SMPD3: variants seen among roughly 807,000 people sequenced by gnomAD.
SMPD3 encodes nSMase-2.
A neutral mutation model predicts 55.7 loss-of-function variants in SMPD3; 21 were observed. That is an observed-to-expected ratio of 0.38 (90% CI 0.27 to 0.54). The LOEUF is 0.54. Among genes scored for constraint, SMPD3 ranks in the 20% least tolerant of loss-of-function variants. The pLI, the probability that SMPD3 is intolerant of heterozygous loss-of-function variation, is 0.80. For missense variants in SMPD3, 842 were observed against 899.6 expected (o/e 0.94, Z 0.82); for synonymous variants, 457 against 404.3 (o/e 1.13, Z -1.56).
intron 1 of SMPD3, among the ~76,000 whole-genome samples, chr16:68,415,176 G>C (rs1199367903): frequency 1.3e-5 from 2 of 152,192 alleles, no homozygotes; most frequent in Admixed American, 1.3e-4. Flanking sequence ...GTAACGCCCA[G>C]AGAGTGGATA....
intron 1 of SMPD3, among the ~76,000 whole-genome samples, chr16:68,401,157 G>T (rs992537221): frequency 6.6e-6 from 1 of 152,178 alleles, no homozygotes; most frequent in Non-Finnish European, 1.5e-5. Context: ...GCTCCGATTT[G>T]TCATGCTCCA....
rs1206123321 is a variant in SMPD3 at position 68,409,161 on chromosome 16, T to C, written c.-268-22502A>G. On this transcript the variant is annotated intron_variant, in intron 1 of 8. Coordinates refer to ENST00000219334, the MANE Select transcript of SMPD3 (RefSeq NM_018667.4). ...CACTGCATTTTCCCAGCTTTTGTAC[T>C]CAGTTACTCCGAGCTCATTCCTTTG... 2.0e-5 allele frequency among the ~76,000 whole-genome samples: 3 copies of C among 152,238 alleles called. No homozygotes were observed. In the East Asian group the frequency reaches 5.8e-4, roughly 29 times the overall value.
intron 1 of SMPD3, among the ~76,000 whole-genome samples, chr16:68,402,551 T>C (rs2090219221): frequency 6.6e-6 from 1 of 152,138 alleles, no homozygotes; most frequent in Admixed American, 6.5e-5. Context: ...TTATATAGCA[T>C]GGTAGGCGCT....
At chr16:68,375,161 C>T (rs1421024131) in intron 2 of SMPD3, among the ~76,000 whole-genome samples, 2 of 152,140 alleles carry the variant, frequency 1.3e-5, no homozygotes, top group Non-Finnish European at 2.9e-5. Context: ...CCCAAGCCCA[C>T]CACCAGTGTG....
rs549896410 is a variant in SMPD3, at chr16:68,435,517, C to T, written c.-269+12836G>A. ...CATTTATTCAAGTTGGTTGCTCCCCCGTATCCCCTAACACAGAGGTGCCAG... is the reference window on the plus strand; with the variant it reads ...CATTTATTCAAGTTGGTTGCTCCCCTGTATCCCCTAACACAGAGGTGCCAG... On this transcript the variant is annotated intron_variant, in intron 1 of 8. Coordinates refer to ENST00000219334, the MANE Select transcript of SMPD3 (RefSeq NM_018667.4). Among the ~76,000 whole-genome samples, 12 of 152,056 alleles carry T rather than the reference C, an allele frequency of 7.9e-5. No homozygotes were observed. In the South Asian group the frequency reaches 1.0e-3, roughly 13 times the overall value.
chr16:68,404,347 G>A lies in SMPD3; in HGVS notation c.-268-17688C>T, dbSNP rs1253159957. 2.0e-5 allele frequency among the ~76,000 whole-genome samples: 3 copies of A among 151,980 alleles called. No homozygotes were observed. Among genetic ancestry groups the A allele is most frequent in the Admixed American group, 6.5e-5 (1 of 15,274 alleles). On this transcript the variant is annotated intron_variant, in intron 1 of 8. Coordinates refer to ENST00000219334, the MANE Select transcript of SMPD3 (RefSeq NM_018667.4). The surrounding 1 kb of genome is among the most constrained non-coding windows in gnomAD (Gnocchi z 4.0). ...ACTCCCGACCTCAGGTGATCTGCCC[G>A]CCTCAGCCTCCCAAATTGCTGAGAT...
intron 1 of SMPD3, among the ~76,000 whole-genome samples, chr16:68,436,866 G>A (rs1036739489): frequency 1.3e-5 from 2 of 152,144 alleles, no homozygotes; most frequent in Non-Finnish European, 2.9e-5. Context: ...CTCACCGACT[G>A]TATACGAGCT....
intron 1 of SMPD3, among the ~76,000 whole-genome samples, chr16:68,434,301 C>A (rs979515172): frequency 1.3e-5 from 2 of 152,184 alleles, no homozygotes; most frequent in African/African-American, 4.8e-5. Context: ...GTATTTCTAA[C>A]GGTAACAAAT....
Position 68,370,803 on chromosome 16 carries a change from A to G in SMPD3, c.1323+56T>C, listed in dbSNP as rs1293180132. ...ACTCCCCGCTGCAGCCCCCCTGCCT[A>G]CATGGCTCTAGGACCAGCTGGCACG... On this transcript the variant is annotated intron_variant, in intron 3 of 8. Transcript: ENST00000219334. 8.1e-6 allele frequency: 13 copies of G among 1,597,862 alleles called. No homozygotes were observed. The East Asian group carries it at 2.9e-4, about 36-fold the overall frequency.
Position 68,374,241 on chromosome 16 carries a change from G to A in SMPD3, c.-206-1854C>T, listed in dbSNP as rs538720249. On this transcript the variant is annotated intron_variant, in intron 2 of 8. Transcript: ENST00000219334. ...GTTTTCCCACCAACCCGAGGTGTGC[G>A]GAGGGGGTTTCTGTGGGGCATGTCA... 4.6e-5 allele frequency among the ~76,000 whole-genome samples: 7 copies of A among 152,246 alleles called. 1 individual carries two copies. The highest frequency in any genetic ancestry group is 9.6e-5 in the African/African-American group (4 of 41,472).
At chr16:68,361,354 G>C in intron 8 of SMPD3, 47 bp from the exon 9 acceptor site, 1 of 1,569,620 alleles carries the variant, frequency 6.4e-7, no homozygotes, top group Non-Finnish European at 8.7e-7. Flanking sequence ...AGATTCCAAG[G>C]GCATCTTGCA....
chr16:68,412,864 T>C (rs1163477662), intron 1 of SMPD3, among the ~76,000 whole-genome samples: 1 of 152,248 alleles, frequency 6.6e-6, no homozygotes, highest in Non-Finnish European at 1.5e-5. Context: ...TATGCTGTGC[T>C]TTTAAAAGTT....
At chr16:68,386,977 C>T (rs998531443) in intron 1 of SMPD3, among the ~76,000 whole-genome samples, 12 of 151,996 alleles carry the variant, frequency 7.9e-5, no homozygotes, top group African/African-American at 2.2e-4. Context: ...CCAGGCCAGG[C>T]GCAGGGGGTG....
chr16:68,378,929 G>A (rs1158327826), intron 2 of SMPD3, among the ~76,000 whole-genome samples: 1 of 152,236 alleles, frequency 6.6e-6, no homozygotes, highest in Non-Finnish European at 1.5e-5. Context: ...AAGTCCTAGA[G>A]ACATCGTTGA....
intron 1 of SMPD3, among the ~76,000 whole-genome samples, chr16:68,446,974 C>T (rs1265453594): frequency 1.3e-5 from 2 of 152,198 alleles, no homozygotes; most frequent in African/African-American, 4.8e-5. Flanking sequence ...CCTCCTCCCT[C>T]GGGATTTTCC....
chr16:68,383,788 T>TC (rs1020178974), intron 2 of SMPD3, among the ~76,000 whole-genome samples: 6 of 151,968 alleles, frequency 3.9e-5, no homozygotes, highest in Non-Finnish European at 8.8e-5. Context: ...TTACTCCTCC[T>TC]CCCCCCACTT....
intron 1 of SMPD3, among the ~76,000 whole-genome samples, chr16:68,432,398 T>C (rs2090487655): frequency 6.6e-6 from 1 of 152,208 alleles, no homozygotes; most frequent in African/African-American, 2.4e-5. Flanking sequence ...TCTCTTAAAG[T>C]AATTTACTTT....
At chr16:68,444,294 A>G (rs2090592057) in intron 1 of SMPD3, among the ~76,000 whole-genome samples, 1 of 152,210 alleles carries the variant, frequency 6.6e-6, no homozygotes, top group Non-Finnish European at 1.5e-5. Flanking sequence ...TGGCTGCCCC[A>G]GGGAGCAGGA....
chr16:68,361,978 C>G (rs767725673), intron 7 of SMPD3, among the ~76,000 whole-genome samples: 2 of 152,162 alleles, frequency 1.3e-5, no homozygotes, highest in Non-Finnish European at 2.9e-5. Context: ...CTCCGGAGCC[C>G]GTCGAAGTGT....
Sources: allele counts gnomAD v4.1 joint callset (sites outside exome capture counted in the v4.1 genomes callset), GRCh38; gene constraint gnomAD v4.1.1; non-coding constraint Gnocchi (gnomAD v3.1); transcripts MANE v1.5; gene names NCBI Gene and HGNC (gene_info 2026-07-23, HGNC 2026-07-21).